Variants in KLK12 observed in about 807,000 individuals in gnomAD.
The protein encoded by KLK12 is kallikrein-12.
In KLK12, 23 loss-of-function variants were observed where a neutral mutation model predicts 20.0. The ratio of observed to expected loss-of-function variants is 1.15; its 90% CI spans 0.83 to 1.63. The LOEUF is 1.63. Ranked by LOEUF, KLK12 falls within the 40% of genes most tolerant of loss-of-function variation. KLK12 has a pLI of 0.00. For synonymous variants in KLK12, 147 were observed against 141.9 expected, an observed-to-expected ratio of 1.04 and a Z score of -0.25; for missense variants, 351 against 338.6, an observed-to-expected ratio of 1.04 and a Z score of -0.29.
At position 51,032,108 on chromosome 19, in the gene KLK12, G is replaced by A. The variant is rs1568578271; in HGVS notation, c.225C>T (p.His75=). ...GSRYWVRLGE[H]SLSQLDWTEQ... ...CGGTCCAGTCGAGCTGGCTGAGGCTGTGTTCCCCCAGGCGCACCCAGTACC... is the reference window on the plus strand; with the variant it reads ...CGGTCCAGTCGAGCTGGCTGAGGCTATGTTCCCCCAGGCGCACCCAGTACC... The change falls in exon 4 of 6, where the codon CAC becomes CAT. Residue 75 remains histidine (H), a synonymous_variant. Coordinates refer to ENST00000684732, the MANE Select transcript of KLK12 (RefSeq NM_001370125.1). 1 of 1,603,902 alleles carries A rather than the reference G, an allele frequency of 6.2e-7. No individual in the cohort carries two copies. The highest frequency in any genetic ancestry group is 8.5e-7 in the Non-Finnish European group (1 of 1,177,994).
intron 2 of KLK12, 29 bp downstream of exon 2, chr19:51,034,556 T>C (rs2091593231): frequency 1.2e-6 from 2 of 1,606,556 alleles, no homozygotes; most frequent in Admixed American, 1.7e-5. Context: ...GTCGCAGTCC[T>C]GCCCTCTCCC....
In KLK12 at chr19:51,029,425, T is replaced by TC. The variant is rs746582943; in HGVS notation, c.623dup (p.Val209SerfsTer71). On this transcript the variant is annotated frameshift_variant, in exon 6 of 6. Coordinates refer to ENST00000684732, the MANE Select transcript of KLK12 (RefSeq NM_001370125.1). LOFTEE classifies it low-confidence loss of function (END_TRUNC). ...CCCAGGACACCAGACCTTGAAGGAC[T>TC]CCCCCACACACCAGGGGGCCCCCAG... 3.1e-6 allele frequency: 5 copies of TC among 1,613,224 alleles called. No homozygotes were observed. The African/African-American group carries it at 6.7e-5, about 22-fold the overall frequency.
At chr19:51,030,105 T>C (rs1256971548) in intron 5 of KLK12, 3 of 156,716 alleles carry the variant, frequency 1.9e-5, no homozygotes, top group African/African-American at 7.2e-5. Flanking sequence ...TGGAGGATGG[T>C]ATGGGAAAGA....
At chr19:51,034,339 T>C (rs991012761) in intron 2 of KLK12, 200 bp from the exon 3 acceptor site, 1 of 1,192,108 alleles carries the variant, frequency 8.4e-7, no homozygotes, top group East Asian at 2.6e-5. Flanking sequence ...TGCTTACACA[T>C]AGGAGGGAAA....
In KLK12 at chr19:51,032,016, T is replaced by G; in HGVS notation, c.317A>C (p.Glu106Ala). Residue 106 changes from glutamate to alanine, a missense_variant, in exon 4 of 6, where the codon GAG becomes GCG. Physicochemically the swap from Glu to Ala is moderately radical, Grantham distance 107 (BLOSUM62 -1). Transcript: ENST00000684732. Reference protein sequence around the residue: ...PGYLGASTSHEHDLRLLRLRL... With the variant: ...PGYLGASTSHAHDLRLLRLRL... Reference sequence around the variant, plus strand: ...CAGCCGCAGCAGCCGGAGGTCGTGCTCGTGGCTCGTCGAGGCTCCCAGGTA... The same window carrying G: ...CAGCCGCAGCAGCCGGAGGTCGTGCGCGTGGCTCGTCGAGGCTCCCAGGTA... 1 of 1,610,586 alleles carries G rather than the reference T, an allele frequency of 6.2e-7. No individual in the cohort carries two copies. The highest frequency in any genetic ancestry group is 1.7e-5 in the Admixed American group (1 of 59,780).
Position 51,034,151 on chromosome 19 carries a change from C to T in KLK12, c.38-12G>A. On this transcript the variant is annotated splice_polypyrimidine_tract_variant and intron_variant, in intron 2 of 5. Transcript: ENST00000684732. The stretch of plus-strand genomic sequence containing the variant: ...TGCCTGGCTGAGCCCTGGAGACAGA[C>T]AGGGGCATGGGTCAGAGAGAGGAAG... The T allele has an allele frequency of 6.4e-7, 1 of 1,551,696 alleles. No individual in the cohort carries two copies. Among genetic ancestry groups the T allele is most frequent in the South Asian group, 1.2e-5 (1 of 84,068 alleles).
chr19:51,029,709 C>T (rs951070532), intron 5 of KLK12, among the ~76,000 whole-genome samples: 1 of 152,230 alleles, frequency 6.6e-6, no homozygotes, highest in African/African-American at 2.4e-5. Context: ...AGGACAATGG[C>T]TGGGGCCCTG....
rs1247344375 is a variant in KLK12, at chr19:51,034,595, C to G, written c.27G>C (p.Leu9=). The G allele has an allele frequency of 6.2e-7, 1 of 1,611,710 alleles. No individual in the cohort carries two copies. The highest frequency in any genetic ancestry group is 8.5e-7 in the Non-Finnish European group (1 of 1,179,122). Residue 9 remains leucine, a synonymous_variant, in exon 2 of 6, where the codon CTG becomes CTC. Transcript: ENST00000684732. MGLSIFLL[L]CVLGLSQAAT... Reference sequence around the variant, plus strand: ...TCCGGGAGAACTCACCAAGAACACACAGGAGCAAAAAGATGCTGAGCCCCA... The same window carrying G: ...TCCGGGAGAACTCACCAAGAACACAGAGGAGCAAAAAGATGCTGAGCCCCA...
At chr19:51,033,122 G>A (rs2091576361) in intron 3 of KLK12, among the ~76,000 whole-genome samples, 1 of 151,378 alleles carries the variant, frequency 6.6e-6, no homozygotes, top group East Asian at 2.0e-4. Flanking sequence ...AGGCTGAGGT[G>A]TGAGGATCAC....
In KLK12 at chr19:51,031,951, G is replaced by T. The variant is rs769381582; in HGVS notation, c.382C>A (p.Pro128Thr). 2 of 1,613,356 alleles carry T rather than the reference G, an allele frequency of 1.2e-6. No individual in the cohort carries two copies. Among genetic ancestry groups the T allele is most frequent in the African/African-American group, 2.7e-5 (2 of 74,928 alleles). ...VRVTSSVQPL[P>T]LPNDCATAGT... ...GCGGTTGCACAGTCATTGGGCAGGG[G>T]CAGGGGTTGAACGCTGCTGGTTACG... The change falls in exon 4 of 6, where the codon CCC (proline) becomes ACC (threonine). Residue 128 changes from proline (P) to threonine (T), a missense_variant. Pro to Thr is a conservative substitution (Grantham distance 38). Transcript: ENST00000684732.
rs1006938618 is a variant in KLK12, at chr19:51,034,068, C to G, written c.109G>C (p.Val37Leu). The G allele has an allele frequency of 2.5e-6, 4 of 1,581,740 alleles. No individual in the cohort carries two copies. Among genetic ancestry groups the G allele is most frequent in the Non-Finnish European group, 3.4e-6 (4 of 1,163,534 alleles). Residue 37 changes from valine to leucine, a missense_variant, in exon 3 of 6, where the codon GTG (valine) becomes CTG (leucine). By Grantham distance (32) the Val-to-Leu change is conservative. Coordinates refer to ENST00000684732, the MANE Select transcript of KLK12 (RefSeq NM_001370125.1). The stretch of plus-strand genomic sequence containing the variant: ...AGGCTGGTGCCCTCAAACAGCCCCA[C>G]CTGCCACGGCTGTGAGTTACGCCCA... ...ECGRNSQPWQ[V>L]GLFEGTSLRC...
intron 2 of KLK12, 58 bp downstream of exon 2, chr19:51,034,527 A>G: frequency 6.3e-7 from 1 of 1,588,490 alleles, no homozygotes; most frequent in Non-Finnish European, 8.6e-7. Context: ...GGGCCTCCTC[A>G]TGGGGGTGAA....
rs751971862 is a variant in KLK12 at position 51,034,639 on chromosome 19, G to A, written c.-18C>T. 1.3e-6 allele frequency: 2 copies of A among 1,594,462 alleles called. No homozygotes were observed. Among genetic ancestry groups the A allele is most frequent in the African/African-American group, 1.4e-5 (1 of 70,014 alleles). ...AGCCCCATGGTGGGTCACTTCCAAA[G>A]TCTGGGGGAAAAGGGGAATCTCAGA... On this transcript the variant is annotated splice_region_variant and 5_prime_UTR_variant, in exon 2 of 6. Coordinates refer to ENST00000684732, the MANE Select transcript of KLK12 (RefSeq NM_001370125.1).
chr19:51,034,101 T>C lies in KLK12; in HGVS notation c.76A>G (p.Thr26Ala). 1 of 1,560,410 alleles carries C rather than the reference T, an allele frequency of 6.4e-7. No individual in the cohort carries two copies. The highest frequency in any genetic ancestry group is 8.7e-7 in the Non-Finnish European group (1 of 1,151,626). ...QAATPKIFNG[T>A]ECGRNSQPWQ... ...GGCTGTGAGTTACGCCCACACTCAG[T>C]GCCATTGAAAATCTTCGGTGTGGCT... is the stretch of plus-strand genomic sequence containing the variant. The change falls in exon 3 of 6, where the codon ACT becomes GCT. Residue 26 changes from threonine (T) to alanine (A), a missense_variant. Thr to Ala is a moderately conservative substitution (Grantham distance 58, BLOSUM62 0). Transcript: ENST00000684732.
At position 51,033,796 on chromosome 19, in the gene KLK12, T is replaced by C. The variant is rs77881754; in HGVS notation, c.197+184A>G. The C allele has an allele frequency of 5.2e-3, 3,489 of 671,706 alleles. 88 individuals are homozygous for C. The African/African-American group carries it at 0.054, about 10-fold the overall frequency. The allele number at this position is 671,706 out of a possible 1,614,324, so 41.6% of individuals were successfully genotyped here. A position where few individuals can be genotyped will look rare whatever the true frequency, so the allele number is the denominator to read the frequency against. ...ACCCTCCCCGGCCCTCCACCCAACA[T>C]ACCTCACCCTGCCCAGCACCACCCC... is the stretch of plus-strand genomic sequence containing the variant. On this transcript the variant is annotated intron_variant, in intron 3 of 5. Coordinates refer to ENST00000684732, the MANE Select transcript of KLK12 (RefSeq NM_001370125.1).
At chr19:51,030,338 T>TATTATC in intron 5 of KLK12, among the ~76,000 whole-genome samples, 1 of 147,460 alleles carries the variant, frequency 6.8e-6, no homozygotes, top group South Asian at 2.1e-4. Flanking sequence ...TTATTATTAT[T>TATTATC]ATTATTATTA....
Position 51,029,246 on chromosome 19 carries a change from TGA to T in KLK12, c.*54_*55del, listed in dbSNP as rs780446360. ...AGTGATGGAGGAGATATTGGTGCTCTGAGGGCCAGAGGGGTACCCAAGTTAAG... is the reference window on the plus strand; with the variant it reads ...AGTGATGGAGGAGATATTGGTGCTCTGGGCCAGAGGGGTACCCAAGTTAAG... On this transcript the variant is annotated 3_prime_UTR_variant, in exon 6 of 6. Transcript: ENST00000684732. 6.2e-7 allele frequency: 1 copy of T among 1,613,442 alleles called. No homozygotes were observed. The highest frequency in any genetic ancestry group is 1.1e-5 in the South Asian group (1 of 91,058).
At position 51,030,934 on chromosome 19, in the gene KLK12, C is replaced by T; in HGVS notation, c.458-13G>A. On this transcript the variant is annotated splice_polypyrimidine_tract_variant and intron_variant, in intron 4 of 5. Transcript: ENST00000684732. The stretch of plus-strand genomic sequence containing the variant: ...TCCGGGAATGGGTCTGGAGAGAGAA[C>T]ATGCGTGCTGCAGGGTCCCCTAAAT... The T allele has an allele frequency of 6.2e-7, 1 of 1,613,890 alleles. No homozygotes were observed. Among genetic ancestry groups the T allele is most frequent in the Non-Finnish European group, 8.5e-7 (1 of 1,179,974 alleles).
chr19:51,034,247 G>C (rs1599772749), intron 2 of KLK12, 108 bp from the exon 3 acceptor site: 5 of 1,340,858 alleles, frequency 3.7e-6, no homozygotes, highest in East Asian at 2.5e-5. Flanking sequence ...AGGAGAAAGA[G>C]AGACGAGAAA....
Sources: allele counts gnomAD v4.1 joint callset (sites outside exome capture counted in the v4.1 genomes callset), GRCh38; gene constraint gnomAD v4.1.1; transcripts MANE v1.5; gene names NCBI Gene and HGNC (gene_info 2026-07-23, HGNC 2026-07-21).